The following XPR1 variants were observed in gnomAD, a reference collection of about 807,000 sequenced individuals.
The protein encoded by XPR1 is xenotropic and polytropic retrovirus receptor 1.
XPR1 carries 28 observed loss-of-function variants against 87.5 expected under a neutral mutation model. The ratio of observed to expected loss-of-function variants is 0.32; its 90% CI spans 0.24 to 0.44. XPR1 has a LOEUF of 0.44. XPR1 is among the 20% of genes least tolerant of loss of function. The probability of loss-of-function intolerance (pLI) is 1.00; values close to 1 mark genes in which losing one functional copy is unlikely to be tolerated. For missense variants in XPR1, 559 were observed against 862.3 expected (o/e 0.65, Z 4.41); for synonymous variants, 300 against 306.1 (o/e 0.98, Z 0.21).
At chr1:180,832,114 T>C (rs553774587) in intron 9 of XPR1, among the ~76,000 whole-genome samples, 2 of 152,366 alleles carry the variant, frequency 1.3e-5, no homozygotes, top group Admixed American at 6.5e-5. Context: ...TGGTATCTCA[T>C]TGTGGTTTGA....
intron 12 of XPR1, among the ~76,000 whole-genome samples, chr1:180,866,810 A>T (rs866130982): frequency 1.2e-3 from 138 of 112,736 alleles, no homozygotes; most frequent in East Asian, 8.8e-3. Context: ...TTTTTTTTTT[A>T]ATTTTTTTTT....
At chr1:180,715,691 T>C (rs892183108) in intron 2 of XPR1, among the ~76,000 whole-genome samples, 1 of 152,136 alleles carries the variant, frequency 6.6e-6, no homozygotes, top group Non-Finnish European at 1.5e-5. Flanking sequence ...CTTTCTTTTT[T>C]TTGAGATAGA....
intron 12 of XPR1, among the ~76,000 whole-genome samples, chr1:180,864,580 T>C (rs1292931225): frequency 6.6e-6 from 1 of 152,160 alleles, no homozygotes; most frequent in Non-Finnish European, 1.5e-5. Flanking sequence ...CTTTCATTTA[T>C]TTCATCTAAT....
In XPR1 at chr1:180,642,815, C is replaced by T. The variant is rs571876647; in HGVS notation, c.69+10545C>T. 5.3e-5 allele frequency among the ~76,000 whole-genome samples: 8 copies of T among 152,018 alleles called. No individual in the cohort carries two copies. The East Asian group carries it at 7.7e-4, about 15-fold the overall frequency. ...TTGATTTTGCTCTAGAGTGTAAAGA[C>T]GTTTATCTTGGAAGGATCTGCAGAG... On this transcript the variant is annotated intron_variant, in intron 1 of 14. Coordinates refer to ENST00000367590, the MANE Select transcript of XPR1 (RefSeq NM_004736.4).
At chr1:180,758,315 T>C (rs1214040923) in intron 2 of XPR1, among the ~76,000 whole-genome samples, 1 of 152,032 alleles carries the variant, frequency 6.6e-6, no homozygotes, top group African/African-American at 2.4e-5. Flanking sequence ...AAATAAGGAA[T>C]AGATTTGTGG....
chr1:180,686,997 C>T (rs1174504654), intron 2 of XPR1, among the ~76,000 whole-genome samples: 1 of 152,108 alleles, frequency 6.6e-6, no homozygotes, highest in African/African-American at 2.4e-5. Context: ...TAATATTTAA[C>T]TCAAGACACT....
At chr1:180,712,801 G>A (rs974606476) in intron 2 of XPR1, among the ~76,000 whole-genome samples, 1 of 151,782 alleles carries the variant, frequency 6.6e-6, no homozygotes, top group Non-Finnish European at 1.5e-5. Flanking sequence ...ATGAGACTCT[G>A]TCTCAAAAAT....
At chr1:180,677,619 C>G (rs1261827020) in intron 1 of XPR1, among the ~76,000 whole-genome samples, 1 of 152,100 alleles carries the variant, frequency 6.6e-6, no homozygotes, top group African/African-American at 2.4e-5. Flanking sequence ...TGGGGAGGTT[C>G]AGAATCTTGC....
intron 14 of XPR1, among the ~76,000 whole-genome samples, chr1:180,882,932 T>C (rs796818846): frequency 1.3e-5 from 2 of 152,192 alleles, no homozygotes; most frequent in African/African-American, 2.4e-5. Context: ...TCATCATCCT[T>C]ATCACAATTT....
intron 2 of XPR1, among the ~76,000 whole-genome samples, chr1:180,733,929 AC>A (rs1658641714): frequency 2.0e-5 from 3 of 152,214 alleles, no homozygotes; most frequent in African/African-American, 7.2e-5. Flanking sequence ...TAAATGCTTT[AC>A]GTACATAATT....
At chr1:180,880,017 C>T in intron 13 of XPR1, 59 bp from the exon 14 acceptor site, 3 of 1,574,122 alleles carry the variant, frequency 1.9e-6, no homozygotes, top group Non-Finnish European at 2.6e-6. Flanking sequence ...GGGAGGTTTA[C>T]AGGTAGCAGA....
chr1:180,834,877 C>G lies in XPR1; in HGVS notation c.1138C>G (p.Arg380Gly). 1 of 1,586,026 alleles carries G rather than the reference C, an allele frequency of 6.3e-7. No homozygotes were observed. Among genetic ancestry groups the G allele is most frequent in the Non-Finnish European group, 8.5e-7 (1 of 1,170,046 alleles). Residue 380 changes from arginine (R) to glycine (G), a missense_variant, in exon 10 of 15, where the codon CGA (arginine) becomes GGA (glycine). Coordinates refer to ENST00000367590, the MANE Select transcript of XPR1 (RefSeq NM_004736.4). Reference sequence around the variant, plus strand: ...TCTGATTTTTTTTTTCTTTCAGTTTCGAGTATTTACAGCCCCCTTCCATAA... The same window carrying G: ...TCTGATTTTTTTTTTCTTTCAGTTTGGAGTATTTACAGCCCCCTTCCATAA... ...SRFWLLKLLFRVFTAPFHKVG... is the reference protein window; with the variant it reads ...SRFWLLKLLFGVFTAPFHKVG...
intron 2 of XPR1, among the ~76,000 whole-genome samples, chr1:180,707,469 A>C (rs1657597371): frequency 6.6e-6 from 1 of 152,210 alleles, no homozygotes; most frequent in Admixed American, 6.5e-5. Flanking sequence ...TTAATAGTGG[A>C]ATTGTTTTTC....
At chr1:180,657,087 C>T (rs963731335) in intron 1 of XPR1, among the ~76,000 whole-genome samples, 1 of 152,096 alleles carries the variant, frequency 6.6e-6, no homozygotes, top group African/African-American at 2.4e-5. Context: ...CTCTGATGAT[C>T]AGTGATGTTG....
At chr1:180,744,655 T>TTTTTTTTTTTTC (rs1491292660) in intron 2 of XPR1, among the ~76,000 whole-genome samples, 1 of 38,806 alleles carries the variant, frequency 2.6e-5, no homozygotes, top group Non-Finnish European at 5.5e-5. Context: ...AATTTCTTTC[T>TTTTTTTTTTTTC]TTTTTTTTTT....
At chr1:180,698,800 G>T (rs1367566854) in intron 2 of XPR1, among the ~76,000 whole-genome samples, 1 of 152,006 alleles carries the variant, frequency 6.6e-6, no homozygotes, top group Non-Finnish European at 1.5e-5. Context: ...TGGCTGGCAG[G>T]TTTTTTTCTT....
rs1650405818 is a variant in XPR1, at chr1:180,816,247, A to T, written c.763+4759A>T. 3.9e-5 allele frequency among the ~76,000 whole-genome samples: 6 copies of T among 152,292 alleles called. No individual in the cohort carries two copies. The South Asian group carries it at 8.3e-4, about 21-fold the overall frequency. ...CCTCCGATCATCAGGCATTAGTTAGATTCTCATAAGGAGCGCGCAACCTAG... is the reference window on the plus strand; with the variant it reads ...CCTCCGATCATCAGGCATTAGTTAGTTTCTCATAAGGAGCGCGCAACCTAG... On this transcript the variant is annotated intron_variant, in intron 7 of 14. Coordinates refer to ENST00000367590, the MANE Select transcript of XPR1 (RefSeq NM_004736.4).
intron 2 of XPR1, among the ~76,000 whole-genome samples, chr1:180,741,066 A>T (rs765674696): frequency 1.2e-4 from 19 of 152,210 alleles, no homozygotes; most frequent in Non-Finnish European, 2.6e-4. Flanking sequence ...TGACACATTC[A>T]ATCTATAATA....
intron 14 of XPR1, among the ~76,000 whole-genome samples, chr1:180,880,879 TTAC>T (rs1218653361): frequency 6.6e-6 from 1 of 152,172 alleles, no homozygotes; most frequent in East Asian, 1.9e-4. Context: ...TTGCTAAAAG[TTAC>T]CATAAATGTA....
Sources: allele counts gnomAD v4.1 joint callset (sites outside exome capture counted in the v4.1 genomes callset), GRCh38; gene constraint gnomAD v4.1.1; transcripts MANE v1.5; gene names NCBI Gene and HGNC (gene_info 2026-07-23, HGNC 2026-07-21).